Variants in KCND2 observed in about 807,000 individuals in gnomAD.
The protein encoded by KCND2 is potassium voltage-gated channel subfamily D member 2, also known as A-type voltage-gated potassium channel KCND2.
In KCND2, 16 loss-of-function variants were observed where a neutral mutation model predicts 54.4. The observed-to-expected ratio is 0.29, with a 90% CI of 0.20 to 0.45. KCND2 has a LOEUF of 0.45. KCND2 is among the 20% of genes least tolerant of loss of function. The pLI is 1.00. For synonymous variants in KCND2, 317 were observed against 310.7 expected, an observed-to-expected ratio of 1.02 and a Z score of -0.21; for missense variants, 486 against 824.2, an observed-to-expected ratio of 0.59 and a Z score of 5.02.
intron 1 of KCND2, among the ~76,000 whole-genome samples, chr7:120,300,017 C>A (rs1451261604): frequency 6.6e-6 from 1 of 152,076 alleles, no homozygotes; most frequent in African/African-American, 2.4e-5. Flanking sequence ...AGCCAGAGCT[C>A]TGCCAATAAA....
intron 1 of KCND2, among the ~76,000 whole-genome samples, chr7:120,397,987 G>GTATA (rs1801180326): frequency 5.7e-5 from 2 of 35,306 alleles, no homozygotes; most frequent in Non-Finnish European, 9.3e-5. Flanking sequence ...GTGTGTGTGT[G>GTATA]TGTGTGTGTA....
intron 1 of KCND2, among the ~76,000 whole-genome samples, chr7:120,691,840 A>G (rs989209496): frequency 1.3e-5 from 2 of 152,206 alleles, no homozygotes; most frequent in Admixed American, 1.3e-4. Flanking sequence ...TTGAGGCAAC[A>G]AGGAGACTAA....
chr7:120,380,284 G>A (rs982661572), intron 1 of KCND2, among the ~76,000 whole-genome samples: 3 of 152,106 alleles, frequency 2.0e-5, no homozygotes, highest in East Asian at 3.9e-4. Context: ...CTGCATTTAT[G>A]TGACTCTCTA....
At chr7:120,678,854 T>A (rs1173400767) in intron 1 of KCND2, among the ~76,000 whole-genome samples, 1 of 150,574 alleles carries the variant, frequency 6.6e-6, no homozygotes, top group Non-Finnish European at 1.5e-5. Context: ...GAGTTGTGTA[T>A]ATGTTTACAT....
intron 1 of KCND2, among the ~76,000 whole-genome samples, chr7:120,602,519 T>G (rs926763368): frequency 6.6e-6 from 1 of 152,216 alleles, no homozygotes; most frequent in Non-Finnish European, 1.5e-5. Context: ...GAGGGATTCA[T>G]GCAGGTAACC....
rs377558270 is a variant in KCND2, at chr7:120,430,503, G to A, written c.1115+154756G>A. Among the ~76,000 whole-genome samples the A allele has an allele frequency of 7.6e-4, 115 of 151,752 alleles. 1 individual carries two copies. The Middle Eastern group carries it at 0.027, about 36-fold the overall frequency. On this transcript the variant is annotated intron_variant, in intron 1 of 5. Transcript: ENST00000331113. ...TATGCACCAGTAATCCTAGCTACTCGGGAGGCTGAAGCAGGAGAATCACCT... is the reference window on the plus strand; with the variant it reads ...TATGCACCAGTAATCCTAGCTACTCAGGAGGCTGAAGCAGGAGAATCACCT...
intron 1 of KCND2, among the ~76,000 whole-genome samples, chr7:120,292,063 T>A (rs918963410): frequency 2.6e-5 from 4 of 151,910 alleles, no homozygotes; most frequent in Non-Finnish European, 5.9e-5. Flanking sequence ...CCCAAACAGT[T>A]TAAGATCCCC....
chr7:120,699,935 A>C (rs1232143795), intron 1 of KCND2, among the ~76,000 whole-genome samples: 1 of 152,206 alleles, frequency 6.6e-6, no homozygotes, highest in South Asian at 2.1e-4. Flanking sequence ...CTCATGGTAG[A>C]ACCCCAATAA....
intron 1 of KCND2, among the ~76,000 whole-genome samples, chr7:120,623,439 C>T (rs1473412785): frequency 6.6e-6 from 1 of 152,078 alleles, no homozygotes; most frequent in African/African-American, 2.4e-5. Context: ...TGTATGAAGG[C>T]AAGTGTTATG....
intron 1 of KCND2, among the ~76,000 whole-genome samples, chr7:120,341,062 C>G (rs1800232942): frequency 6.6e-6 from 1 of 152,088 alleles, no homozygotes; most frequent in South Asian, 2.1e-4. Flanking sequence ...ATTTTTATCT[C>G]AAGAAACTTG....
chr7:120,606,089 C>T (rs750301139), intron 1 of KCND2, among the ~76,000 whole-genome samples: 4 of 152,116 alleles, frequency 2.6e-5, no homozygotes, highest in Non-Finnish European at 5.9e-5. Context: ...TGCCTTTGCT[C>T]CTCCTTTGCC....
chr7:120,570,749 AG>A (rs1475596808), intron 1 of KCND2, among the ~76,000 whole-genome samples: 3 of 152,172 alleles, frequency 2.0e-5, no homozygotes, highest in Non-Finnish European at 1.5e-5. Flanking sequence ...ATTCTCTCAC[AG>A]TGTCACCTTC....
intron 1 of KCND2, among the ~76,000 whole-genome samples, chr7:120,419,665 T>C (rs1017287376): frequency 1.3e-5 from 2 of 152,156 alleles, no homozygotes; most frequent in Non-Finnish European, 2.9e-5. Flanking sequence ...TGTATGTGTG[T>C]ATATATGCAT....
intron 1 of KCND2, among the ~76,000 whole-genome samples, chr7:120,303,825 A>C (rs1286825677): frequency 1.3e-5 from 2 of 152,182 alleles, no homozygotes; most frequent in Admixed American, 1.3e-4. Context: ...AGTGAATAAC[A>C]GGAAAATATT....
intron 1 of KCND2, among the ~76,000 whole-genome samples, chr7:120,638,959 G>C (rs1403842354): frequency 6.6e-6 from 1 of 152,042 alleles, no homozygotes; most frequent in Admixed American, 6.6e-5. Context: ...AATTATGCAG[G>C]TTATCACTTT....
At position 120,663,033 on chromosome 7, in the gene KCND2, G is replaced by T. The variant is rs1016541678; in HGVS notation, c.1116-69870G>T. 7.1e-4 allele frequency among the ~76,000 whole-genome samples: 108 copies of T among 152,270 alleles called. 2 individuals are homozygous for T. Among genetic ancestry groups the T allele is most frequent in the African/African-American group, 2.4e-3 (101 of 41,554 alleles). ...GCAGCTCTCCAAATCCTCTGGGCCT[G>T]ACCTCCGTTGCAACACAACAAGTGC... On this transcript the variant is annotated intron_variant, in intron 1 of 5. Coordinates refer to ENST00000331113, the MANE Select transcript of KCND2 (RefSeq NM_012281.3).
At chr7:120,448,312 G>A (rs757458760) in intron 1 of KCND2, among the ~76,000 whole-genome samples, 12 of 152,176 alleles carry the variant, frequency 7.9e-5, no homozygotes, top group Non-Finnish European at 1.5e-4. Flanking sequence ...AACTTGCTCA[G>A]AATGATGGTT....
chr7:120,409,474 A>G (rs1801415616), intron 1 of KCND2, among the ~76,000 whole-genome samples: 1 of 151,936 alleles, frequency 6.6e-6, no homozygotes, highest in Non-Finnish European at 1.5e-5. Context: ...GTGCCAAACC[A>G]CTTTCCCAAA....
chr7:120,582,290 A>C (rs1056831756), intron 1 of KCND2, among the ~76,000 whole-genome samples: 1 of 151,502 alleles, frequency 6.6e-6, no homozygotes, highest in Non-Finnish European at 1.5e-5. Flanking sequence ...TCCTACTAGC[A>C]CCTCTTCCAT....
Sources: allele counts gnomAD v4.1 joint callset (sites outside exome capture counted in the v4.1 genomes callset), GRCh38; gene constraint gnomAD v4.1.1; transcripts MANE v1.5; gene names NCBI Gene and HGNC (gene_info 2026-07-23, HGNC 2026-07-21).